Variants in CHID1 observed in about 807,000 individuals in gnomAD.
The protein encoded by CHID1 is chitinase domain containing 1.
Under a neutral mutation model 55.4 loss-of-function variants are expected in CHID1, and 44 were observed. That is an observed-to-expected ratio of 0.79 (90% confidence interval 0.62 to 1.02). CHID1 has a LOEUF of 1.02. Ranked by LOEUF, CHID1 falls within the 50% of genes least tolerant of loss-of-function variation. CHID1 has a pLI of 0.00. For synonymous variants in CHID1, 216 were observed against 212.9 expected, an observed-to-expected ratio of 1.01 and a Z score of -0.13; for missense variants, 491 against 515.3, an observed-to-expected ratio of 0.95 and a Z score of 0.46.
chr11:913,814 C>G (rs1276482066), upstream of CHID1, among the ~76,000 whole-genome samples: 1 of 150,620 alleles, frequency 6.6e-6, no homozygotes, highest in Non-Finnish European at 1.5e-5. Context: ...CCTGTAATGC[C>G]AGCACTTTGG....
intron 1 of CHID1, among the ~76,000 whole-genome samples, chr11:906,194 C>A (rs1420184717): frequency 1.3e-5 from 2 of 151,604 alleles, no homozygotes; most frequent in Non-Finnish European, 2.9e-5. Context: ...TCGGCCCCCC[C>A]AAAGTGCTGG....
In CHID1 at chr11:896,092, C is replaced by A. The variant is rs1045543637; in HGVS notation, c.609-2573G>T. Among the ~76,000 whole-genome samples the A allele has an allele frequency of 3.8e-4, 57 of 151,276 alleles. 1 individual carries two copies. The highest frequency in any genetic ancestry group is 7.7e-4 in the Non-Finnish European group (52 of 67,882). ...GCCGTCTCAGCACCCGCAGCCTCCA[C>A]CCCAGACACAACGAGCCTGTCTCAG... On this transcript the variant is annotated intron_variant, in intron 7 of 12. Transcript: ENST00000323578.
At chr11:912,724 GTCCCAGC>G (rs1325766455), upstream of CHID1, among the ~76,000 whole-genome samples, 550 of 151,562 alleles carry the variant, frequency 3.6e-3, 16 homozygotes, top group East Asian at 0.09. Context: ...GGCGCCCGTA[GTCCCAGC>G]TACTTGGGAG....
intron 11 of CHID1, 115 bp downstream of exon 11, chr11:870,304 G>T: frequency 1.5e-6 from 2 of 1,354,754 alleles, no homozygotes; most frequent in Non-Finnish European, 2.1e-6. Context: ...GCCGGGAGCA[G>T]CAAGTGAGCT....
At chr11:892,119 AAAAAGAAAAAG>A (rs1189574501) in intron 8 of CHID1, among the ~76,000 whole-genome samples, 14 of 152,098 alleles carry the variant, frequency 9.2e-5, no homozygotes, top group African/African-American at 2.2e-4. Flanking sequence ...TATCTCAAAA[AAAAAGAAAAAG>A]AAAAGAAAAA....
Position 893,460 on chromosome 11 carries a change from G to T in CHID1, c.668C>A (p.Ala223Asp). The change falls in exon 8 of 13, where the codon GCC becomes GAC. Residue 223 changes from alanine to aspartate, a missense_variant. Physicochemically the swap from Ala to Asp is moderately radical, Grantham distance 126. Coordinates refer to ENST00000323578, the MANE Select transcript of CHID1 (RefSeq NM_023947.4). Reference protein sequence around the residue: ...AEALHQARLLALLVIPPAITP... With the variant: ...AEALHQARLLDLLVIPPAITP... ...GATGGCAGGCGGGATGACCAGGAGG[G>T]CCAGCAGCCGGGCCTGGTGCAGAGC... 1 of 1,551,804 alleles carries T rather than the reference G, an allele frequency of 6.4e-7. No individual in the cohort carries two copies. Among genetic ancestry groups the T allele is most frequent in the East Asian group, 2.4e-5 (1 of 41,514 alleles).
At chr11:910,720 G>A (rs1312203320) in intron 1 of CHID1, 55 bp downstream of exon 1, 14 of 1,251,568 alleles carry the variant, frequency 1.1e-5, no homozygotes, top group East Asian at 7.5e-5. Context: ...TTTGCGGGAG[G>A]GAAACTGAGG....
At chr11:900,525 G>A (rs1237080248) in intron 5 of CHID1, among the ~76,000 whole-genome samples, 3 of 152,158 alleles carry the variant, frequency 2.0e-5, no homozygotes, top group Non-Finnish European at 2.9e-5. Flanking sequence ...GCTACTGGAC[G>A]TGGGGACACA....
intron 7 of CHID1, among the ~76,000 whole-genome samples, chr11:897,728 G>T (rs1851481406): frequency 6.6e-6 from 1 of 152,236 alleles, no homozygotes. Context: ...TCCCAGGAGG[G>T]AAGCAGACAG....
chr11:874,445 A>C (rs1849370332), intron 10 of CHID1, among the ~76,000 whole-genome samples: 1 of 152,186 alleles, frequency 6.6e-6, no homozygotes, highest in South Asian at 2.1e-4. Flanking sequence ...ACTGGGCGAC[A>C]AGAGTGAAAC....
Position 884,094 on chromosome 11 carries a change from C to A in CHID1, c.777G>T (p.Met259Ile). The change falls in exon 9 of 13, where the codon ATG becomes ATT. Residue 259 changes from methionine (M) to isoleucine (I), a missense_variant. Transcript: ENST00000323578. ...GATGCGCTGTAGAGTAGTCGTAGGT[C>A]ATGAGGCTGAAACCATCCAGCACGG... ...LAPVLDGFSL[M>I]TYDYSTAHQP... The A allele has an allele frequency of 6.2e-7, 1 of 1,614,126 alleles. No homozygotes were observed. The highest frequency in any genetic ancestry group is 8.5e-7 in the Non-Finnish European group (1 of 1,179,978).
chr11:884,699 G>C (rs1235711969), intron 8 of CHID1, among the ~76,000 whole-genome samples: 1 of 152,254 alleles, frequency 6.6e-6, no homozygotes, highest in Non-Finnish European at 1.5e-5. Context: ...GGAAGGACAA[G>C]TGCTTGGCTC....
chr11:900,872 G>T, intron 5 of CHID1, 64 bp downstream of exon 5: 1 of 1,401,784 alleles, frequency 7.1e-7, no homozygotes, highest in Non-Finnish European at 9.9e-7. Context: ...AGACCCCAGT[G>T]CCCACCTGTC....
chr11:884,146 G>A lies in CHID1; in HGVS notation c.725C>T (p.Thr242Met), dbSNP rs146861158. The A allele has an allele frequency of 4.2e-5, 67 of 1,614,080 alleles. 1 individual carries two copies. Among genetic ancestry groups the A allele is most frequent in the South Asian group, 6.6e-5 (6 of 91,088 alleles). Residue 242 changes from threonine (T) to methionine (M), a missense_variant, in exon 9 of 13, where the codon ACG (threonine) becomes ATG (methionine). Physicochemically the swap from Thr to Met is moderately conservative, Grantham distance 81 (BLOSUM62 -1). Coordinates refer to ENST00000323578, the MANE Select transcript of CHID1 (RefSeq NM_023947.4). ...TPGTDQLGMF[T>M]HKEFEQLAPV... The stretch of plus-strand genomic sequence containing the variant: ...GGCCAGCTGCTCAAACTCCTTGTGC[G>A]TGAACATGCCCAGCTGGTCGGTCCT...
At chr11:910,688 C>T (rs1288154581) in intron 1 of CHID1, 87 bp downstream of exon 1, 9 of 1,263,832 alleles carry the variant, frequency 7.1e-6, no homozygotes, top group Non-Finnish European at 8.2e-6. Flanking sequence ...CGGGGCCGAG[C>T]CTCGCTGCCC....
In CHID1 at chr11:883,308, A is replaced by G; in HGVS notation, c.804-5T>C. ...AGGGGTGCATTAGGGCCAGGCCTGC[A>G]GGGCAAGGGGTGAGCGAGTTTCAGC... is the stretch of plus-strand genomic sequence containing the variant. On this transcript the variant is annotated splice_region_variant and splice_polypyrimidine_tract_variant and intron_variant, in intron 9 of 12. Coordinates refer to ENST00000323578, the MANE Select transcript of CHID1 (RefSeq NM_023947.4). 6.2e-7 allele frequency: 1 copy of G among 1,609,098 alleles called. No homozygotes were observed. The highest frequency in any genetic ancestry group is 8.5e-7 in the Non-Finnish European group (1 of 1,176,284).
At chr11:910,819 A>G (rs7950608), upstream of CHID1, 33,119 of 1,102,676 alleles carry the variant, frequency 0.03, 2,933 homozygotes, top group African/African-American at 0.3. Context: ...ACGGCCGGAA[A>G]ACGCTCCAGC....
At chr11:870,380 C>A in intron 11 of CHID1, 39 bp downstream of exon 11, 1 of 1,553,184 alleles carries the variant, frequency 6.4e-7, no homozygotes, top group Non-Finnish European at 8.8e-7. Flanking sequence ...CCTCCCTGCA[C>A]ACAAGGCCAA....
intron 8 of CHID1, among the ~76,000 whole-genome samples, chr11:891,308 G>A (rs1007424887): frequency 1.3e-4 from 20 of 152,212 alleles, no homozygotes; most frequent in African/African-American, 2.9e-4. Flanking sequence ...CGTGGGCCTC[G>A]GCCCCGCCCC....
Sources: gnomAD v4.1 joint callset for allele counts (sites outside exome capture counted in the v4.1 genomes callset) on GRCh38, gnomAD v4.1.1 for gene constraint, MANE v1.5 for transcripts, NCBI Gene and HGNC (gene_info 2026-07-23, HGNC 2026-07-21) for gene names.